Variants in KHDRBS2 observed in about 807,000 individuals in gnomAD.
The protein encoded by KHDRBS2 is KH domain-containing, RNA-binding, signal transduction-associated protein 2.
In KHDRBS2, 26 loss-of-function variants were observed where a neutral mutation model predicts 44.3. The observed-to-expected ratio is 0.59, with a 90% CI of 0.43 to 0.81. The LOEUF (loss-of-function observed/expected upper bound fraction) is 0.81, where lower values mean the gene tolerates loss of function less well. KHDRBS2 is among the 40% of genes least tolerant of loss of function. The pLI, the probability that KHDRBS2 is intolerant of heterozygous loss-of-function variation, is 0.00. For synonymous variants in KHDRBS2, 194 were observed against 151.1 expected (o/e 1.28, Z -2.08); for missense variants, 476 against 433.1 (o/e 1.10, Z -0.88).
At chr6:62,048,988 TTCTC>T (rs1296805179) in intron 2 of KHDRBS2, among the ~76,000 whole-genome samples, 7 of 151,900 alleles carry the variant, frequency 4.6e-5, no homozygotes, top group Non-Finnish European at 1.0e-4. Flanking sequence ...TTCTCTTCTC[TTCTC>T]TTTTTTCTTT....
chr6:61,944,885 G>C (rs1812879455), intron 4 of KHDRBS2, among the ~76,000 whole-genome samples: 1 of 151,398 alleles, frequency 6.6e-6, no homozygotes, highest in South Asian at 2.1e-4. Flanking sequence ...GAGATCAGGA[G>C]CTCAAGACCA....
chr6:61,700,986 C>T (rs1217754845), intron 7 of KHDRBS2, among the ~76,000 whole-genome samples: 1 of 151,736 alleles, frequency 6.6e-6, no homozygotes, highest in Admixed American at 6.6e-5. Flanking sequence ...ACAGGAATAA[C>T]TATGTAGAAA....
At chr6:61,779,698 T>C (rs1453878246) in intron 6 of KHDRBS2, among the ~76,000 whole-genome samples, 2 of 152,174 alleles carry the variant, frequency 1.3e-5, no homozygotes, top group Non-Finnish European at 2.9e-5. Flanking sequence ...ATATTAATAC[T>C]ACTACCAACT....
intron 1 of KHDRBS2, among the ~76,000 whole-genome samples, chr6:62,248,911 A>G (rs1192615324): frequency 2.6e-5 from 4 of 152,128 alleles, no homozygotes; most frequent in African/African-American, 9.7e-5. Context: ...AGGGCATTTA[A>G]ATTTAAGAAC....
chr6:62,059,209 T>G (rs1348995789), intron 2 of KHDRBS2, among the ~76,000 whole-genome samples: 16 of 113,662 alleles, frequency 1.4e-4, no homozygotes, highest in African/African-American at 4.8e-4. Context: ...TTTTTTTTTT[T>G]TTTTTTTTTT....
intron 4 of KHDRBS2, among the ~76,000 whole-genome samples, chr6:61,964,031 G>A (rs1315006911): frequency 6.6e-6 from 1 of 151,948 alleles, no homozygotes; most frequent in African/African-American, 2.4e-5. Flanking sequence ...ACTTTATGAA[G>A]GGTAATGTCA....
chr6:62,211,806 G>T (rs567689), intron 1 of KHDRBS2, among the ~76,000 whole-genome samples: 28,218 of 151,932 alleles, frequency 0.19, 3,041 homozygotes, highest in African/African-American at 0.31. Flanking sequence ...CTATTTCTGG[G>T]TATATACCCA....
rs1451515142 is a variant in KHDRBS2, at chr6:61,987,323, A to G, written c.337-9111T>C. Among the ~76,000 whole-genome samples the G allele has an allele frequency of 3.9e-5, 6 of 152,220 alleles. No homozygotes were observed. The East Asian group carries it at 1.2e-3, about 29-fold the overall frequency. On this transcript the variant is annotated intron_variant, in intron 3 of 8. Transcript: ENST00000281156. ...AAAGAGTTAAACTTCTAAAATCCCA[A>G]TTAATTTCACAGGAGTAGCTCTTCC...
At chr6:61,658,785 A>T in the KHDRBS2 span, among the ~76,000 whole-genome samples, 1 of 151,934 alleles carries the variant, frequency 6.6e-6, no homozygotes, top group African/African-American at 2.4e-5. Flanking sequence ...ATATTCTTGT[A>T]TTCCCAAGTG....
chr6:61,551,184 T>C, the KHDRBS2 span, among the ~76,000 whole-genome samples: 1 of 152,310 alleles, frequency 6.6e-6, no homozygotes, highest in African/African-American at 2.4e-5. Context: ...AAAGCGTCTG[T>C]TGTCCTCTGA....
chr6:62,245,854 G>A (rs1369525339), intron 1 of KHDRBS2, among the ~76,000 whole-genome samples: 1 of 151,616 alleles, frequency 6.6e-6, no homozygotes, highest in Non-Finnish European at 1.5e-5. Context: ...CTAGGGAATA[G>A]AGCAGTTTGC....
At chr6:61,817,317 A>G (rs1789133099) in intron 6 of KHDRBS2, among the ~76,000 whole-genome samples, 1 of 152,058 alleles carries the variant, frequency 6.6e-6, no homozygotes, top group African/African-American at 2.4e-5. Flanking sequence ...CTATCCCAAT[A>G]CATATTAACT....
intron 4 of KHDRBS2, among the ~76,000 whole-genome samples, chr6:61,927,023 A>G (rs1809103295): frequency 6.6e-6 from 1 of 152,078 alleles, no homozygotes. Flanking sequence ...CTTATCCAGG[A>G]GCAGGGTCTG....
chr6:62,186,309 C>A (rs1354206210), intron 1 of KHDRBS2, among the ~76,000 whole-genome samples: 1 of 152,028 alleles, frequency 6.6e-6, no homozygotes, highest in Non-Finnish European at 1.5e-5. Flanking sequence ...TTCAAAAGTA[C>A]GTAGAATAGC....
At chr6:61,681,719 T>C (rs1330192500) in intron 8 of KHDRBS2, among the ~76,000 whole-genome samples, 4 of 152,014 alleles carry the variant, frequency 2.6e-5, no homozygotes, top group East Asian at 2.0e-4. Context: ...GAAAACTCCA[T>C]TTACCTGCTA....
the KHDRBS2 span, among the ~76,000 whole-genome samples, chr6:61,609,801 G>A: frequency 3.3e-5 from 5 of 152,234 alleles, no homozygotes; most frequent in South Asian, 2.1e-4. Context: ...AGTGAGAGGG[G>A]AGTGAATATG....
At chr6:62,024,471 T>G (rs1646143055) in intron 3 of KHDRBS2, among the ~76,000 whole-genome samples, 1 of 151,590 alleles carries the variant, frequency 6.6e-6, no homozygotes, top group Admixed American at 6.6e-5. Flanking sequence ...CATAAATTAC[T>G]AAAGTTTTGT....
At chr6:62,157,577 C>T (rs751263197) in intron 2 of KHDRBS2, among the ~76,000 whole-genome samples, 1 of 152,014 alleles carries the variant, frequency 6.6e-6, no homozygotes, top group African/African-American at 2.4e-5. Flanking sequence ...TATTGAAGTA[C>T]GTACTCATTT....
At chr6:62,223,437 C>G (rs1246549646) in intron 1 of KHDRBS2, among the ~76,000 whole-genome samples, 1 of 152,176 alleles carries the variant, frequency 6.6e-6, no homozygotes, top group African/African-American at 2.4e-5. Context: ...GAGGGGCTGC[C>G]GTGAAGACCT....
Sources: allele counts gnomAD v4.1 joint callset (sites outside exome capture counted in the v4.1 genomes callset), GRCh38; gene constraint gnomAD v4.1.1; transcripts MANE v1.5; gene names NCBI Gene and HGNC (gene_info 2026-07-23, HGNC 2026-07-21).